The following CEP85L variants were observed in gnomAD, a reference collection of about 807,000 sequenced individuals.
The protein encoded by CEP85L is centrosomal protein 85L.
A neutral mutation model predicts 100.3 loss-of-function variants in CEP85L; 60 were observed. The observed-to-expected ratio is 0.60, with a 90% CI of 0.49 to 0.74. The LOEUF (loss-of-function observed/expected upper bound fraction) is 0.74, where lower values mean the gene tolerates loss of function less well. Among genes scored for constraint, CEP85L ranks in the 30% least tolerant of loss-of-function variants. The pLI is 0.00. For missense variants in CEP85L, 973 were observed against 936.2 expected, an observed-to-expected ratio of 1.04 and a Z score of -0.51; for synonymous variants, 319 against 322.7, an observed-to-expected ratio of 0.99 and a Z score of 0.12.
chr6:118,676,611 G>A (rs993301736), intron 1 of CEP85L, among the ~76,000 whole-genome samples: 7 of 152,014 alleles, frequency 4.6e-5, no homozygotes, highest in Non-Finnish European at 7.4e-5. Context: ...AGTTACTTCC[G>A]TATCTTTACT....
At chr6:118,507,940 A>T (rs1265013297) in intron 5 of CEP85L, among the ~76,000 whole-genome samples, 3 of 152,216 alleles carry the variant, frequency 2.0e-5, no homozygotes, top group Non-Finnish European at 4.4e-5. Context: ...TAGACTACAC[A>T]TTCCTTGAGG....
At chr6:118,708,274 G>T (rs752619189) in intron 1 of CEP85L, among the ~76,000 whole-genome samples, 7 of 152,208 alleles carry the variant, frequency 4.6e-5, no homozygotes, top group Non-Finnish European at 1.0e-4. Flanking sequence ...CATGAGCGAG[G>T]TGTCTAGAAG....
intron 1 of CEP85L, among the ~76,000 whole-genome samples, chr6:118,696,754 G>T (rs1777225896): frequency 6.6e-6 from 1 of 152,116 alleles, no homozygotes; most frequent in Non-Finnish European, 1.5e-5. Context: ...TTGGACAGTT[G>T]ATATAAACCA....
chr6:118,632,402 C>G, intron 2 of CEP85L, 51 bp downstream of exon 2: 2 of 1,414,262 alleles, frequency 1.4e-6, no homozygotes, highest in South Asian at 1.5e-5. Flanking sequence ...ATTCTTGTAC[C>G]ACAACCACTC....
chr6:118,688,604 T>G (rs1480081221), intron 1 of CEP85L, among the ~76,000 whole-genome samples: 1 of 152,256 alleles, frequency 6.6e-6, no homozygotes, highest in East Asian at 1.9e-4. Flanking sequence ...ATAAACCTTT[T>G]GCAGTCTTAT....
At chr6:118,646,894 G>A (rs1200208179) in intron 1 of CEP85L, 5 of 977,146 alleles carry the variant, frequency 5.1e-6, no homozygotes, top group Middle Eastern at 5.3e-4. Flanking sequence ...GACAATAGAG[G>A]TTATCAACTC....
At chr6:118,637,759 C>T (rs1362178450) in intron 1 of CEP85L, among the ~76,000 whole-genome samples, 4 of 111,858 alleles carry the variant, frequency 3.6e-5, no homozygotes, top group Non-Finnish European at 7.8e-5. Flanking sequence ...TAAAGGCAAA[C>T]ACTAAAAATA....
intron 4 of CEP85L, among the ~76,000 whole-genome samples, chr6:118,519,487 T>G (rs1222812453): frequency 6.8e-4 from 20 of 29,478 alleles, no homozygotes; most frequent in Non-Finnish European, 9.3e-4. Context: ...GGGGGGGGGT[T>G]GTGAAACTCC....
chr6:118,695,680 G>A lies in CEP85L; in HGVS notation c.-28+14356C>T, dbSNP rs751791300. On this transcript the variant is annotated intron_variant, in intron 1 of 13. Transcript: ENST00000368488. ...TTTGCATTTTGTCTTATAGCTGTTC[G>A]TCTATTTCTAGTTAATAAACATATG... Among the ~76,000 whole-genome samples the A allele has an allele frequency of 1.1e-4, 17 of 152,264 alleles. 1 individual carries two copies. The South Asian group carries it at 1.5e-3, about 13-fold the overall frequency.
At chr6:118,569,208 G>A (rs1365750214) in intron 2 of CEP85L, among the ~76,000 whole-genome samples, 4 of 151,638 alleles carry the variant, frequency 2.6e-5, no homozygotes, top group Non-Finnish European at 5.9e-5. Flanking sequence ...CAGGTGTGGT[G>A]GCAGGCGCCT....
intron 3 of CEP85L, among the ~76,000 whole-genome samples, chr6:118,535,561 A>G (rs1777542972): frequency 6.6e-6 from 1 of 152,218 alleles, no homozygotes; most frequent in South Asian, 2.1e-4. Context: ...TTCACAAATT[A>G]TAAATTGTAC....
At chr6:118,636,762 C>T (rs145630619) in intron 1 of CEP85L, among the ~76,000 whole-genome samples, 70 of 152,304 alleles carry the variant, frequency 4.6e-4, no homozygotes, top group African/African-American at 1.7e-3. Flanking sequence ...TACCTTCAAG[C>T]TTGAACTGAT....
intron 3 of CEP85L, among the ~76,000 whole-genome samples, chr6:118,534,877 A>G (rs1156538766): frequency 6.6e-6 from 1 of 151,634 alleles, no homozygotes; most frequent in East Asian, 1.9e-4. Flanking sequence ...AAAATTAGCC[A>G]GGTGTGGTGG....
chr6:118,465,484 C>T lies in CEP85L; in HGVS notation c.2339G>A (p.Arg780Gln), dbSNP rs199692317. 2.6e-5 allele frequency: 42 copies of T among 1,613,544 alleles called. No homozygotes were observed. The highest frequency in any genetic ancestry group is 6.7e-5 in the East Asian group (3 of 44,884). ...TKKLSDVCQLRRDIDELRTTI... is the reference protein window; with the variant it reads ...TKKLSDVCQLQRDIDELRTTI... ...AGTCCTTAATTCATCAATGTCTCTT[C>T]GTAACTGGCACACATCTGACAGCTT... is the stretch of plus-strand genomic sequence containing the variant. Residue 780 changes from arginine (R) to glutamine (Q), a missense_variant, in exon 13 of 13, where the codon CGA (arginine) becomes CAA (glutamine). Around this residue, in one of 3 missense-constraint regions of CEP85L, gnomAD observed 890 missense variants for 844.5 expected, o/e 1.05. Transcript: ENST00000368491.
intron 1 of CEP85L, among the ~76,000 whole-genome samples, chr6:118,681,571 T>A (rs1028971423): frequency 3.3e-5 from 5 of 152,164 alleles, no homozygotes; most frequent in Non-Finnish European, 5.9e-5. Flanking sequence ...TAATGAATTT[T>A]AAAATTTTTG....
chr6:118,699,405 T>C (rs1354134800), intron 1 of CEP85L, among the ~76,000 whole-genome samples: 1 of 150,784 alleles, frequency 6.6e-6, no homozygotes, highest in Non-Finnish European at 1.5e-5. Flanking sequence ...TAGTGAGCCG[T>C]GATCACACCA....
At chr6:118,480,215 T>G (rs1298261015) in intron 9 of CEP85L, among the ~76,000 whole-genome samples, 181 bp downstream of exon 9, 2 of 152,134 alleles carry the variant, frequency 1.3e-5, no homozygotes, top group African/African-American at 4.8e-5. Flanking sequence ...TTTATTTCAA[T>G]TATTTAATTT....
intron 4 of CEP85L, among the ~76,000 whole-genome samples, chr6:118,523,103 G>C (rs2114783569): frequency 6.6e-6 from 1 of 152,130 alleles, no homozygotes; most frequent in African/African-American, 2.4e-5. Flanking sequence ...TACGAGCACT[G>C]GTTAAGAAAA....
intron 2 of CEP85L, among the ~76,000 whole-genome samples, chr6:118,632,192 T>C (rs1774208982): frequency 6.6e-6 from 1 of 152,162 alleles, no homozygotes; most frequent in Non-Finnish European, 1.5e-5. Flanking sequence ...GATTTCATTG[T>C]ATTAGACAAG....
Sources: allele counts gnomAD v4.1 joint callset (sites outside exome capture counted in the v4.1 genomes callset), GRCh38; gene constraint gnomAD v4.1.1; regional missense constraint gnomAD v4.1.1; transcripts MANE v1.5; gene names NCBI Gene and HGNC (gene_info 2026-07-23, HGNC 2026-07-21).